Variants in IGSF21 observed in about 807,000 individuals in gnomAD.
IGSF21 encodes the protein immunoglobulin superfamily member 21.
A neutral mutation model predicts 46.8 loss-of-function variants in IGSF21; 28 were observed. The ratio of observed to expected loss-of-function variants is 0.60; its 90% CI spans 0.44 to 0.82. The LOEUF (loss-of-function observed/expected upper bound fraction) is 0.82. Ranked by LOEUF, IGSF21 falls within the 40% of genes least tolerant of loss-of-function variation. The pLI, the probability that IGSF21 is intolerant of heterozygous loss-of-function variation, is 0.00. For missense variants in IGSF21, 624 were observed against 665.5 expected (o/e 0.94, Z 0.69); for synonymous variants, 284 against 273.6 (o/e 1.04, Z -0.38).
At chr1:18,228,036 A>G in intron 2 of IGSF21, 26 bp downstream of exon 2, 1 of 1,555,406 alleles carries the variant, frequency 6.4e-7, no homozygotes, top group Non-Finnish European at 8.9e-7. Flanking sequence ...TGCCCCCTTC[A>G]TGCCCATGGC....
chr1:18,301,333 T>G (rs1056249588), intron 3 of IGSF21, among the ~76,000 whole-genome samples: 1 of 151,828 alleles, frequency 6.6e-6, no homozygotes, highest in African/African-American at 2.4e-5. Flanking sequence ...TGTTTGTTTG[T>G]TTGTTTGTTT....
At chr1:18,243,838 C>G (rs1469586287) in intron 2 of IGSF21, among the ~76,000 whole-genome samples, 1 of 152,144 alleles carries the variant, frequency 6.6e-6, no homozygotes, top group Non-Finnish European at 1.5e-5. Flanking sequence ...TATGGACCAG[C>G]AGTGAAGATG....
rs547900630 is a variant in IGSF21 at position 18,263,592 on chromosome 1, G to A, written c.184-28274G>A. 1.1e-4 allele frequency among the ~76,000 whole-genome samples: 16 copies of A among 152,162 alleles called. No individual in the cohort carries two copies. In the East Asian group the frequency reaches 3.1e-3, roughly 29 times the overall value. The stretch of plus-strand genomic sequence containing the variant: ...GCTTCTGGATCTTAATTTTGGGGAG[G>A]TCTCTCAGAACCAAACACTTCTCCA... On this transcript the variant is annotated intron_variant, in intron 2 of 9. Transcript: ENST00000251296.
At chr1:18,250,714 T>G (rs1199009280) in intron 2 of IGSF21, among the ~76,000 whole-genome samples, 1 of 152,146 alleles carries the variant, frequency 6.6e-6, no homozygotes, top group Admixed American at 6.5e-5. Flanking sequence ...ATAGTAACTC[T>G]AAACTCACAG....
intron 4 of IGSF21, among the ~76,000 whole-genome samples, chr1:18,349,596 G>A (rs2124618930): frequency 6.6e-6 from 1 of 152,306 alleles, no homozygotes; most frequent in Admixed American, 6.5e-5. Flanking sequence ...GGCATGAGAA[G>A]GGGCAGGGAG....
chr1:18,261,295 AG>A (rs2084944710), intron 2 of IGSF21, among the ~76,000 whole-genome samples: 1 of 152,304 alleles, frequency 6.6e-6, no homozygotes, highest in African/African-American at 2.4e-5. Flanking sequence ...AGAGAAGAAA[AG>A]CCAGTCAGGG....
At chr1:18,152,587 C>A (rs555258923) in intron 1 of IGSF21, among the ~76,000 whole-genome samples, 2 of 152,262 alleles carry the variant, frequency 1.3e-5, no homozygotes, top group East Asian at 1.9e-4. Context: ...GCATCCGAAC[C>A]TTTGCAGGGT....
chr1:18,131,207 GT>G (rs2086318410), intron 1 of IGSF21, among the ~76,000 whole-genome samples: 4 of 152,302 alleles, frequency 2.6e-5, no homozygotes, highest in Admixed American at 2.6e-4. Context: ...GCAGATTTTT[GT>G]TTTTTTCTTC....
intron 2 of IGSF21, among the ~76,000 whole-genome samples, chr1:18,266,165 C>G (rs1232430365): frequency 6.6e-6 from 1 of 152,136 alleles, no homozygotes; most frequent in East Asian, 1.9e-4. Context: ...CATGAACTAT[C>G]TCATTTAATC....
At chr1:18,241,873 C>T (rs2084731748) in intron 2 of IGSF21, among the ~76,000 whole-genome samples, 1 of 152,190 alleles carries the variant, frequency 6.6e-6, no homozygotes, top group South Asian at 2.1e-4. Flanking sequence ...CCAAGTCTTG[C>T]ATATGGTAAG....
At chr1:18,229,514 A>T (rs559163002) in intron 2 of IGSF21, among the ~76,000 whole-genome samples, 1 of 152,232 alleles carries the variant, frequency 6.6e-6, no homozygotes, top group African/African-American at 2.4e-5. Flanking sequence ...GTTGGCTGTG[A>T]TCTGCACTCC....
chr1:18,164,924 C>T lies in IGSF21; in HGVS notation c.70+56726C>T, dbSNP rs184618974. Among the ~76,000 whole-genome samples the T allele has an allele frequency of 6.8e-3, 887 of 130,094 alleles. 4 individuals are homozygous for T. Among genetic ancestry groups the T allele is most frequent in the Non-Finnish European group, 8.4e-3 (532 of 63,708 alleles). 85.3% of individuals were successfully genotyped at this position (130,094 alleles called of 152,430 possible). A position where few individuals can be genotyped will look rare whatever the true frequency, so the allele number is the denominator to read the frequency against. On this transcript the variant is annotated intron_variant, in intron 1 of 9. Coordinates refer to ENST00000251296, the MANE Select transcript of IGSF21 (RefSeq NM_032880.5). ...AACAGGCCCTAGTGTGTGATGTTCC[C>T]CTTCCTGTGTCCAAGTGTTCTCATT... is the stretch of plus-strand genomic sequence containing the variant.
At chr1:18,149,527 C>T (rs1279138335) in intron 1 of IGSF21, among the ~76,000 whole-genome samples, 1 of 151,878 alleles carries the variant, frequency 6.6e-6, no homozygotes, top group Non-Finnish European at 1.5e-5. Flanking sequence ...TCAGTCCTGG[C>T]TGGGTGCCCG....
At position 18,227,933 on chromosome 1, in the gene IGSF21, G is replaced by T. The variant is rs1338049507; in HGVS notation, c.106G>T (p.Val36Leu). Reference sequence around the variant, plus strand: ...AGTCAACATTGAGCCTCTCCCCCCTGTGGTGGCTGGAGACGCCGTGACTTT... The same window carrying T: ...AGTCAACATTGAGCCTCTCCCCCCTTTGGTGGCTGGAGACGCCGTGACTTT... ...LTVNIEPLPPVVAGDAVTLKC... is the reference protein window; with the variant it reads ...LTVNIEPLPPLVAGDAVTLKC... Residue 36 changes from valine (V) to leucine (L), a missense_variant, in exon 2 of 10, where the codon GTG becomes TTG. Physicochemically the swap from Val to Leu is conservative, Grantham distance 32 (BLOSUM62 1). Transcript: ENST00000251296. 1 of 1,614,052 alleles carries T rather than the reference G, an allele frequency of 6.2e-7. No homozygotes were observed.
chr1:18,350,293 G>C (rs561729759), intron 4 of IGSF21, among the ~76,000 whole-genome samples: 7 of 152,204 alleles, frequency 4.6e-5, no homozygotes, highest in Non-Finnish European at 7.4e-5. Flanking sequence ...AGGAGTGAGG[G>C]TGGAGAGAGT....
At chr1:18,208,397 T>TATATATATATATATATATATATATA (rs368652183) in intron 1 of IGSF21, among the ~76,000 whole-genome samples, 2,201 of 91,900 alleles carry the variant, frequency 0.024, 357 homozygotes, top group Non-Finnish European at 0.034. Context: ...ATATATATAT[T>TATATATATATATATATATATATATA]TTTTGAGACG....
At chr1:18,266,791 G>A (rs567411574) in intron 2 of IGSF21, among the ~76,000 whole-genome samples, 5 of 152,292 alleles carry the variant, frequency 3.3e-5, no homozygotes, top group Non-Finnish European at 5.9e-5. Flanking sequence ...GAACCCTTTT[G>A]CAATTCACTA....
At chr1:18,244,975 C>A (rs2084770680) in intron 2 of IGSF21, among the ~76,000 whole-genome samples, 1 of 152,136 alleles carries the variant, frequency 6.6e-6, no homozygotes, top group African/African-American at 2.4e-5. Flanking sequence ...GCTCCAGTTT[C>A]CTCATCTCAT....
At position 18,232,209 on chromosome 1, in the gene IGSF21, C is replaced by CTTTTTTTTTTTTTTTTTTT. The variant is rs55775011; in HGVS notation, c.183+4207_183+4208insTTTTTTTTTTTTTTTTTTT. 4.8e-5 allele frequency among the ~76,000 whole-genome samples: 5 copies of CTTTTTTTTTTTTTTTTTTT among 105,006 alleles called. 1 individual carries two copies. The highest frequency in any genetic ancestry group is 2.0e-4 in the Admixed American group (2 of 9,780). 68.9% of individuals were successfully genotyped at this position (105,006 alleles called of 152,430 possible). On this transcript the variant is annotated intron_variant, in intron 2 of 9. Coordinates refer to ENST00000251296, the MANE Select transcript of IGSF21 (RefSeq NM_032880.5). ...GCTCATATAGATAAGCTCCAGACAG[C>CTTTTTTTTTTTTTTTTTTT]TTTTTTTTGGCTAATAGAGTAGGGG... is the stretch of plus-strand genomic sequence containing the variant.
Sources: gnomAD v4.1 joint callset for allele counts (sites outside exome capture counted in the v4.1 genomes callset) on GRCh38, gnomAD v4.1.1 for gene constraint, MANE v1.5 for transcripts, NCBI Gene and HGNC (gene_info 2026-07-23, HGNC 2026-07-21) for gene names.